Variants in DAB1 observed in about 807,000 individuals in gnomAD.
DAB1 encodes the protein DAB adaptor protein 1.
DAB1 carries 15 observed loss-of-function variants against 64.6 expected under a neutral mutation model. The observed-to-expected ratio is 0.23, with a 90% CI of 0.16 to 0.36. The LOEUF (loss-of-function observed/expected upper bound fraction) is 0.36, where lower values mean the gene tolerates loss of function less well. DAB1 is among the 10% of genes least tolerant of loss of function. The pLI is 1.00. For missense variants in DAB1, 596 were observed against 706.7 expected (o/e 0.84, Z 1.78); for synonymous variants, 235 against 251.9 (o/e 0.93, Z 0.64).
At chr1:58,504,341 T>C (rs1261953805) in intron 3 of DAB1, among the ~76,000 whole-genome samples, 1 of 152,220 alleles carries the variant, frequency 6.6e-6, no homozygotes, top group Non-Finnish European at 1.5e-5. Context: ...CTTTAGGTTC[T>C]CTGCATCAGC....
At chr1:57,290,855 T>G (rs1046508729) in intron 2 of DAB1, 109 bp downstream of exon 2, 1 of 610,446 alleles carries the variant, frequency 1.6e-6, no homozygotes, top group Non-Finnish European at 2.8e-6. Context: ...AATAACTATT[T>G]AAAAATATAT....
chr1:58,101,400 C>T (rs1278379625), intron 5 of DAB1, among the ~76,000 whole-genome samples: 2 of 152,100 alleles, frequency 1.3e-5, no homozygotes, highest in African/African-American at 2.4e-5. Flanking sequence ...GATCAGTAAT[C>T]GTATGGGACA....
At chr1:57,050,016 C>T (rs1011187990) in intron 9 of DAB1, among the ~76,000 whole-genome samples, 1 of 152,164 alleles carries the variant, frequency 6.6e-6, no homozygotes, top group African/African-American at 2.4e-5. Context: ...TCTCTCTGGT[C>T]CCAGTGCCTG....
At chr1:57,063,894 T>C (rs2100572572) in intron 8 of DAB1, among the ~76,000 whole-genome samples, 1 of 152,316 alleles carries the variant, frequency 6.6e-6, no homozygotes, top group East Asian at 1.9e-4. Context: ...GTTGTTCCTT[T>C]CCCAGGAACT....
At chr1:57,523,801 T>C (rs748304389) in intron 7 of DAB1, among the ~76,000 whole-genome samples, 10 of 152,176 alleles carry the variant, frequency 6.6e-5, no homozygotes, top group Admixed American at 3.9e-4. Context: ...GGTGCATCCC[T>C]GTAGTCCCAG....
At chr1:57,906,936 GCAGA>G (rs544499944) in intron 5 of DAB1, among the ~76,000 whole-genome samples, 1,658 of 121,354 alleles carry the variant, frequency 0.014, 22 homozygotes, top group African/African-American at 0.044. Flanking sequence ...AATATAATAT[GCAGA>G]TAGATAGATA....
At chr1:57,370,527 G>A (rs7528735) in intron 1 of DAB1, among the ~76,000 whole-genome samples, 44,275 of 151,656 alleles carry the variant, frequency 0.29, 6,758 homozygotes, top group African/African-American at 0.33. Context: ...ATATGTGCAT[G>A]TGAATCTGAT....
chr1:57,692,227 T>C lies in DAB1; in HGVS notation n.552-42562A>G, dbSNP rs868604830. 2.0e-5 allele frequency among the ~76,000 whole-genome samples: 3 copies of C among 152,274 alleles called. No homozygotes were observed. The South Asian group carries it at 6.2e-4, about 32-fold the overall frequency. On this transcript the variant is annotated intron_variant and non_coding_transcript_variant, in intron 6 of 20. Transcript: ENST00000485760. ...TGTCAGACAAACTTCCTCTCACCTC[T>C]CTTCTCTGAGGCTAGTCCCGCTTCT...
chr1:58,337,988 C>CTATA lies in DAB1; in HGVS notation n.309+5360_309+5363dup, dbSNP rs10674883. ...AGGATAAACTTACATGTTTTTTCCACTATATATATATATGAAGAAAAGCTT... is the reference window on the plus strand; with the variant it reads ...AGGATAAACTTACATGTTTTTTCCACTATATATATATATATATGAAGAAAAGCTT... On this transcript the variant is annotated intron_variant and non_coding_transcript_variant, in intron 4 of 20. Transcript: ENST00000485760. Among the ~76,000 whole-genome samples, 264 of 149,544 alleles carry CTATA rather than the reference C, an allele frequency of 1.8e-3. 2 individuals are homozygous for CTATA. Among genetic ancestry groups the CTATA allele is most frequent in the African/African-American group, 5.7e-3 (233 of 40,610 alleles).
intron 4 of DAB1, among the ~76,000 whole-genome samples, chr1:58,333,275 G>A (rs1663018161): frequency 6.6e-6 from 1 of 152,148 alleles, no homozygotes; most frequent in African/African-American, 2.4e-5. Context: ...CAGTGGTAGG[G>A]GAGGAATCAC....
intron 1 of DAB1, among the ~76,000 whole-genome samples, chr1:57,839,582 G>T (rs1282925293): frequency 1.3e-5 from 2 of 152,104 alleles, no homozygotes; most frequent in African/African-American, 2.4e-5. Flanking sequence ...TCCTTTGCAG[G>T]TCCTTAAACA....
intron 1 of DAB1, among the ~76,000 whole-genome samples, chr1:57,292,365 A>G (rs1335664540): frequency 3.3e-5 from 5 of 152,160 alleles, no homozygotes; most frequent in Non-Finnish European, 7.4e-5. Flanking sequence ...TAAGCTACCT[A>G]TTTTTTAAAA....
chr1:58,348,339 C>G (rs1205118649), intron 3 of DAB1, among the ~76,000 whole-genome samples: 1 of 152,082 alleles, frequency 6.6e-6, no homozygotes, highest in Non-Finnish European at 1.5e-5. Context: ...ACTGCTTTTT[C>G]CAACAAACCG....
chr1:57,077,781 G>GTT (rs67967650), intron 4 of DAB1, among the ~76,000 whole-genome samples: 5 of 151,432 alleles, frequency 3.3e-5, no homozygotes, highest in Admixed American at 1.3e-4. Flanking sequence ...TTTACCATTA[G>GTT]TTTTTTTTAA....
chr1:57,999,363 G>T lies in DAB1; in HGVS notation n.388-115201C>A, dbSNP rs534621525. Reference sequence around the variant, plus strand: ...GCTTGTTAGGAATGCACATTCTCAGGTCCCCATTCCAAATCGATTGCCTCA... The same window carrying T: ...GCTTGTTAGGAATGCACATTCTCAGTTCCCCATTCCAAATCGATTGCCTCA... On this transcript the variant is annotated intron_variant and non_coding_transcript_variant, in intron 5 of 20. Coordinates refer to the DAB1 transcript ENST00000485760. Among the ~76,000 whole-genome samples, 32 of 152,276 alleles carry T rather than the reference G, an allele frequency of 2.1e-4. No individual in the cohort carries two copies. In the South Asian group the frequency reaches 6.6e-3, roughly 32 times the overall value.
intron 2 of DAB1, among the ~76,000 whole-genome samples, chr1:57,181,375 G>A (rs1234868532): frequency 6.6e-6 from 1 of 152,208 alleles, no homozygotes; most frequent in Non-Finnish European, 1.5e-5. Flanking sequence ...CTAGCAGCCT[G>A]TCTGCTTTAC....
At chr1:57,395,603 T>C (rs751947518) in intron 1 of DAB1, among the ~76,000 whole-genome samples, 2 of 152,228 alleles carry the variant, frequency 1.3e-5, no homozygotes, top group Non-Finnish European at 2.9e-5. Flanking sequence ...TCTGTATCTG[T>C]GCTGTCCACT....
intron 9 of DAB1, among the ~76,000 whole-genome samples, chr1:57,028,215 ATGATAG>A (rs2100407519): frequency 6.6e-6 from 1 of 152,264 alleles, no homozygotes; most frequent in East Asian, 1.9e-4. Context: ...TTCTGTTCTC[ATGATAG>A]TGAATAAGTC....
At chr1:57,458,843 TA>T (rs1686687937) in intron 7 of DAB1, among the ~76,000 whole-genome samples, 1 of 152,052 alleles carries the variant, frequency 6.6e-6, no homozygotes, top group African/African-American at 2.4e-5. Flanking sequence ...TGTATCTAAG[TA>T]AAAGAAAACC....
Sources: allele counts gnomAD v4.1 joint callset (sites outside exome capture counted in the v4.1 genomes callset), GRCh38; gene constraint gnomAD v4.1.1; transcripts MANE v1.5; gene names NCBI Gene and HGNC (gene_info 2026-07-23, HGNC 2026-07-21).